GALNT18: variants seen among roughly 807,000 people sequenced by gnomAD.
GALNT18 encodes the protein GalNAc-transferase 18.
GALNT18 carries 44 observed loss-of-function variants against 69.5 expected under a neutral mutation model. The observed-to-expected ratio is 0.63, with a 90% CI of 0.50 to 0.81. GALNT18 has a LOEUF of 0.81. GALNT18 is among the 40% of genes least tolerant of loss of function. The pLI is 0.00. For missense variants in GALNT18, 715 were observed against 810.0 expected, an observed-to-expected ratio of 0.88 and a Z score of 1.42; for synonymous variants, 364 against 318.2, an observed-to-expected ratio of 1.14 and a Z score of -1.53.
At chr11:11,467,010 G>A (rs1003037709) in intron 1 of GALNT18, among the ~76,000 whole-genome samples, 2 of 152,290 alleles carry the variant, frequency 1.3e-5, no homozygotes, top group Non-Finnish European at 2.9e-5. Flanking sequence ...AGCTACATGT[G>A]TCTTTGATTA....
chr11:11,571,689 T>A (rs10831640), intron 1 of GALNT18, among the ~76,000 whole-genome samples: 128,618 of 151,738 alleles, frequency 0.85, 54,632 homozygotes, highest in South Asian at 0.92. Flanking sequence ...CAAAGGATGT[T>A]TCAATCCTAT....
rs564894081 is a variant in GALNT18 at position 11,352,098 on chromosome 11, C to T, written c.1093-11094G>A. 4.3e-6 allele frequency: 7 copies of T among 1,613,382 alleles called. No homozygotes were observed. In the South Asian group the frequency reaches 7.7e-5, roughly 18 times the overall value. ...GGCGCTGCTGACGGGCGTACTGCCCCCTGGCATGCTAGATGAACCCATTCG... is the reference window on the plus strand; with the variant it reads ...GGCGCTGCTGACGGGCGTACTGCCCTCTGGCATGCTAGATGAACCCATTCG... On this transcript the variant is annotated intron_variant, in intron 6 of 10. Coordinates refer to ENST00000227756, the MANE Select transcript of GALNT18 (RefSeq NM_198516.3).
intron 1 of GALNT18, among the ~76,000 whole-genome samples, chr11:11,544,558 TTTTTA>T (rs1338415600): frequency 2.0e-3 from 302 of 152,324 alleles, no homozygotes; most frequent in African/African-American, 6.8e-3. Context: ...TCACAATTCC[TTTTTA>T]TTTTTAAGTT....
intron 1 of GALNT18, among the ~76,000 whole-genome samples, chr11:11,536,779 T>C (rs773404916): frequency 7.2e-5 from 11 of 152,188 alleles, no homozygotes; most frequent in African/African-American, 1.9e-4. Context: ...GCTTCACATG[T>C]GGTAGGTGCA....
chr11:11,351,174 C>A (rs1158919430), intron 6 of GALNT18, among the ~76,000 whole-genome samples: 2 of 152,118 alleles, frequency 1.3e-5, no homozygotes, highest in Admixed American at 6.5e-5. Context: ...ATGCAGGGAG[C>A]AGATCTAGCC....
intron 9 of GALNT18, among the ~76,000 whole-genome samples, chr11:11,316,448 C>T (rs1849756266): frequency 6.6e-6 from 1 of 152,184 alleles, no homozygotes; most frequent in Admixed American, 6.5e-5. Context: ...CCCCTGCGGA[C>T]ACTGGGGCCA....
intron 1 of GALNT18, among the ~76,000 whole-genome samples, chr11:11,491,659 T>C (rs1330394433): frequency 2.0e-5 from 3 of 152,226 alleles, no homozygotes; most frequent in Admixed American, 6.5e-5. Flanking sequence ...ATTTTTCTGA[T>C]GCATATTCAT....
At chr11:11,301,854 T>C (rs1849500384) in intron 9 of GALNT18, among the ~76,000 whole-genome samples, 1 of 152,038 alleles carries the variant, frequency 6.6e-6, no homozygotes, top group South Asian at 2.1e-4. Context: ...GAGACAGACA[T>C]GCAGGAGGAT....
intron 1 of GALNT18, among the ~76,000 whole-genome samples, chr11:11,567,505 A>T (rs983749805): frequency 6.6e-6 from 1 of 152,216 alleles, no homozygotes; most frequent in Non-Finnish European, 1.5e-5. Context: ...AGGGGAGGGT[A>T]GTAGGAATGA....
intron 3 of GALNT18, among the ~76,000 whole-genome samples, chr11:11,429,892 C>A (rs907329146): frequency 6.6e-6 from 1 of 152,194 alleles, no homozygotes; most frequent in African/African-American, 2.4e-5. Flanking sequence ...GTAATCCCAA[C>A]AATTTGGGAG....
At chr11:11,410,716 G>A (rs1371948809) in intron 3 of GALNT18, among the ~76,000 whole-genome samples, 1 of 152,130 alleles carries the variant, frequency 6.6e-6, no homozygotes, top group African/African-American at 2.4e-5. Context: ...TGGAATTTTA[G>A]TTGAACGATG....
intron 6 of GALNT18, among the ~76,000 whole-genome samples, chr11:11,367,237 A>G (rs1235851962): frequency 2.6e-5 from 4 of 152,104 alleles, no homozygotes; most frequent in African/African-American, 9.7e-5. Flanking sequence ...AATAACAACA[A>G]TCATCCAGTC....
Position 11,436,269 on chromosome 11 carries a change from G to A in GALNT18, c.429-3482C>T, listed in dbSNP as rs1006007251. ...CACAGAATAAGGAAATGGGAAGAAA[G>A]GATCACTCAGATGGCTTCTCTCCAC... is the stretch of plus-strand genomic sequence containing the variant. On this transcript the variant is annotated intron_variant, in intron 2 of 10. Coordinates refer to ENST00000227756, the MANE Select transcript of GALNT18 (RefSeq NM_198516.3). This position sits in a 1 kb window ranked among gnomAD's most constrained non-coding sequence, Gnocchi z 4.5. 2.6e-5 allele frequency among the ~76,000 whole-genome samples: 4 copies of A among 152,214 alleles called. No homozygotes were observed. The highest frequency in any genetic ancestry group is 5.9e-5 in the Non-Finnish European group (4 of 68,042).
chr11:11,432,713 G>T lies in GALNT18; in HGVS notation c.503C>A (p.Ser168Ter). The T allele has an allele frequency of 6.2e-7, 1 of 1,613,992 alleles. No homozygotes were observed. The highest frequency in any genetic ancestry group is 8.5e-7 in the Non-Finnish European group (1 of 1,179,958). ...CGAGTGGATGGAGCGCAGCAGCACT[G>T]AAAGCGCTTCATTGACGAAGATGAA... is the stretch of plus-strand genomic sequence containing the variant. ...IVFIFVNEAL[S>*]VLLRSIHSAM... Residue 168 changes from serine (S) to a stop codon, truncating the protein, a stop_gained, in exon 3 of 11, where the codon TCA becomes TAA. Coordinates refer to ENST00000227756, the MANE Select transcript of GALNT18 (RefSeq NM_198516.3). LOFTEE classifies it high-confidence loss of function. This position sits in a 1 kb window ranked among gnomAD's most constrained non-coding sequence, Gnocchi z 5.8.
chr11:11,420,795 C>T (rs1854986460), intron 3 of GALNT18, among the ~76,000 whole-genome samples: 1 of 152,188 alleles, frequency 6.6e-6, no homozygotes, highest in Non-Finnish European at 1.5e-5. Context: ...ATCCCAGTGG[C>T]TGGCAACAGG....
chr11:11,546,409 C>T lies in GALNT18; in HGVS notation c.235+74950G>A, dbSNP rs1046637664. On this transcript the variant is annotated intron_variant, in intron 1 of 10. Transcript: ENST00000227756. The surrounding 1 kb of genome is among the most constrained non-coding windows in gnomAD (Gnocchi z 5.8). ...CCGCTCTCTGTGCCAACCACACCAA[C>T]CTGCTGCCTGAGGCTCTGTCACATC... Among the ~76,000 whole-genome samples the T allele has an allele frequency of 3.4e-4, 51 of 152,202 alleles. No homozygotes were observed. Among genetic ancestry groups the T allele is most frequent in the Non-Finnish European group, 1.2e-4 (8 of 68,036 alleles).
At chr11:11,378,542 G>A (rs1429510419) in intron 4 of GALNT18, among the ~76,000 whole-genome samples, 1 of 152,216 alleles carries the variant, frequency 6.6e-6, no homozygotes, top group Non-Finnish European at 1.5e-5. Flanking sequence ...TCTGACCAGA[G>A]AAAGAAAGAT....
intron 1 of GALNT18, among the ~76,000 whole-genome samples, chr11:11,468,117 A>G (rs1297628968): frequency 6.6e-6 from 1 of 152,242 alleles, no homozygotes; most frequent in Non-Finnish European, 1.5e-5. Flanking sequence ...ATCCTTTTAT[A>G]TATCATAAAT....
At chr11:11,545,456 A>C (rs373813658) in intron 1 of GALNT18, among the ~76,000 whole-genome samples, 1 of 152,188 alleles carries the variant, frequency 6.6e-6, no homozygotes, top group African/African-American at 2.4e-5. Flanking sequence ...CTGTGTGTCC[A>C]TGTGCAGCCA....
Sources: gnomAD v4.1 joint callset for allele counts (sites outside exome capture counted in the v4.1 genomes callset) on GRCh38, gnomAD v4.1.1 for gene constraint, Gnocchi (gnomAD v3.1) non-coding constraint, MANE v1.5 for transcripts, NCBI Gene and HGNC (gene_info 2026-07-23, HGNC 2026-07-21) for gene names.